AVEN: variants seen among roughly 807,000 people sequenced by gnomAD.
The protein encoded by AVEN is apoptosis and caspase activation inhibitor.
A neutral mutation model predicts 38.1 loss-of-function variants in AVEN; 41 were observed. The observed-to-expected ratio is 1.08, with a 90% confidence interval of 0.84 to 1.40. AVEN has a LOEUF of 1.40. Among genes scored for constraint, AVEN ranks in the 40% most tolerant of loss-of-function variants. The pLI, the probability that AVEN is intolerant of heterozygous loss-of-function variation, is 0.00. For synonymous variants in AVEN, 206 were observed against 171.8 expected (o/e 1.20, Z -1.56); for missense variants, 605 against 438.8 (o/e 1.38, Z -3.38).
intron 1 of AVEN, among the ~76,000 whole-genome samples, chr15:34,015,441 C>T (rs1405190493): frequency 1.3e-5 from 2 of 151,882 alleles, no homozygotes; most frequent in South Asian, 2.1e-4. Flanking sequence ...GAGATCGCAC[C>T]ACTGCACTCC....
In AVEN at chr15:34,063,061, A is replaced by G; in HGVS notation, n.1498T>C. 2 of 1,614,162 alleles carry G rather than the reference A, an allele frequency of 1.2e-6. No homozygotes were observed. The highest frequency in any genetic ancestry group is 2.2e-5 in the South Asian group (2 of 91,076). On this transcript the variant is annotated non_coding_transcript_exon_variant, in exon 5 of 12. Coordinates refer to the AVEN transcript ENST00000675287. The surrounding 1 kb of genome is among the most constrained non-coding windows in gnomAD (Gnocchi z 4.1). Reference sequence around the variant, plus strand: ...CTTGCACTGGACTACGTGGCCAGCAACGCTTCTGTCATGAACCTTCTGGTG... The same window carrying G: ...CTTGCACTGGACTACGTGGCCAGCAGCGCTTCTGTCATGAACCTTCTGGTG...
intron 2 of AVEN, among the ~76,000 whole-genome samples, chr15:33,881,319 C>A (rs1891476800): frequency 6.6e-6 from 1 of 152,114 alleles, no homozygotes; most frequent in African/African-American, 2.4e-5. Context: ...CTCCTGGCCT[C>A]AAACAATCCA....
intron 2 of AVEN, among the ~76,000 whole-genome samples, chr15:33,978,973 AAAAC>A (rs1896015807): frequency 6.6e-6 from 1 of 152,162 alleles, no homozygotes; most frequent in African/African-American, 2.4e-5. Context: ...GATAAATAAA[AAAAC>A]AGACAATAAA....
intron 2 of AVEN, among the ~76,000 whole-genome samples, chr15:33,943,295 A>C (rs758877875): frequency 6.6e-6 from 1 of 152,258 alleles, no homozygotes; most frequent in Non-Finnish European, 1.5e-5. Flanking sequence ...AAATCCTGTC[A>C]CATGCTACAA....
intron 2 of AVEN, among the ~76,000 whole-genome samples, chr15:33,977,966 AAAGAG>A (rs1341504813): frequency 6.6e-6 from 1 of 150,584 alleles, no homozygotes. Context: ...AAAGAAAGAG[AAAGAG>A]AAAAGGAAAA....
intron 1 of AVEN, among the ~76,000 whole-genome samples, chr15:34,024,174 G>A (rs992247151): frequency 1.3e-5 from 2 of 152,096 alleles, no homozygotes; most frequent in African/African-American, 4.8e-5. Context: ...TTATAGCAGT[G>A]AACAAGACCA....
intron 1 of AVEN, among the ~76,000 whole-genome samples, chr15:34,019,082 G>A (rs1408430231): frequency 1.3e-5 from 2 of 151,886 alleles, no homozygotes; most frequent in East Asian, 3.9e-4. Context: ...CAATCCTTTA[G>A]CTAGACACAG....
chr15:34,014,483 G>T (rs1157151431), intron 1 of AVEN, among the ~76,000 whole-genome samples: 1 of 151,324 alleles, frequency 6.6e-6, no homozygotes, highest in Non-Finnish European at 1.5e-5. Flanking sequence ...AGCAACTAGG[G>T]TAACAAAATC....
At chr15:33,965,279 G>T (rs1436244096) in intron 2 of AVEN, among the ~76,000 whole-genome samples, 2 of 152,036 alleles carry the variant, frequency 1.3e-5, no homozygotes, top group African/African-American at 4.8e-5. Flanking sequence ...GCTTCCATAA[G>T]TCCACAATAC....
upstream of AVEN, among the ~76,000 whole-genome samples, chr15:34,040,230 G>C (rs1899411334): frequency 6.6e-6 from 1 of 152,132 alleles, no homozygotes; most frequent in African/African-American, 2.4e-5. Context: ...AGATAATCTA[G>C]TCGTGTGAAT....
rs1261126900 is a variant in AVEN, at chr15:34,053,363, A to G, written n.1637+9559T>C. On this transcript the variant is annotated intron_variant and non_coding_transcript_variant, in intron 5 of 11. Transcript: ENST00000675287. ...ATATATGGAACTGAAAAGAACCCAT[A>G]TAGCCAAGATAATCCGAAGGAAAAA... Among the ~76,000 whole-genome samples, 3 of 146,718 alleles carry G rather than the reference A, an allele frequency of 2.0e-5. No homozygotes were observed. The East Asian group carries it at 5.9e-4, about 29-fold the overall frequency.
At chr15:34,007,789 T>C (rs1172833202) in intron 1 of AVEN, among the ~76,000 whole-genome samples, 2 of 152,178 alleles carry the variant, frequency 1.3e-5, no homozygotes, top group Non-Finnish European at 2.9e-5. Flanking sequence ...TGGGTATTGG[T>C]AGGGTTGGCT....
At chr15:33,974,060 G>T (rs533478786) in intron 2 of AVEN, among the ~76,000 whole-genome samples, 107 of 152,270 alleles carry the variant, frequency 7.0e-4, no homozygotes, top group African/African-American at 2.5e-3. Flanking sequence ...ATATTATGAG[G>T]TATGCAAATA....
rs147927366 is a variant in AVEN, at chr15:33,907,408, C to T, written c.446-31413G>A. Among the ~76,000 whole-genome samples the T allele has an allele frequency of 2.9e-4, 44 of 152,302 alleles. No homozygotes were observed. The East Asian group carries it at 8.1e-3, about 28-fold the overall frequency. On this transcript the variant is annotated intron_variant, in intron 2 of 5. Transcript: ENST00000306730. ...TGGGGTATCAACATCAGTCATTTTG[C>T]TTCCACATGGGATTATGCTTTTTGA...
intron 2 of AVEN, among the ~76,000 whole-genome samples, chr15:33,971,258 G>A (rs1895626926): frequency 6.6e-6 from 1 of 151,930 alleles, no homozygotes; most frequent in South Asian, 2.1e-4. Flanking sequence ...ACTTGTTTCT[G>A]CAATTTAGAA....
chr15:34,033,362 C>T (rs1190089842), intron 1 of AVEN, among the ~76,000 whole-genome samples: 7 of 152,030 alleles, frequency 4.6e-5, no homozygotes, highest in Non-Finnish European at 5.9e-5. Flanking sequence ...AAAAATTAGC[C>T]GGGTGTGGCG....
chr15:33,975,177 G>GCTT (rs2140507095), intron 2 of AVEN, among the ~76,000 whole-genome samples: 1 of 152,176 alleles, frequency 6.6e-6, no homozygotes, highest in South Asian at 2.1e-4. Flanking sequence ...TCCTCCACAC[G>GCTT]CTTCTTGGAC....
intron 2 of AVEN, among the ~76,000 whole-genome samples, chr15:33,937,464 C>T (rs1373951307): frequency 1.3e-5 from 2 of 151,170 alleles, no homozygotes; most frequent in Non-Finnish European, 2.9e-5. Context: ...ACCTGGGAGG[C>T]GGAGCTTGCA....
chr15:34,050,170 G>A (rs1899884049), intron 5 of AVEN, among the ~76,000 whole-genome samples: 1 of 152,020 alleles, frequency 6.6e-6, no homozygotes. Flanking sequence ...TTACAGGCGT[G>A]AGCCCCCATG....
Sources: gnomAD v4.1 joint callset for allele counts (sites outside exome capture counted in the v4.1 genomes callset) on GRCh38, gnomAD v4.1.1 for gene constraint, Gnocchi (gnomAD v3.1) non-coding constraint, MANE v1.5 for transcripts, NCBI Gene and HGNC (gene_info 2026-07-23, HGNC 2026-07-21) for gene names.